Variants in ZNF534 observed in about 807,000 individuals in gnomAD.
The protein encoded by ZNF534 is zinc finger protein 534, also known as KRAB domain only 3.
ZNF534 carries 19 observed loss-of-function variants against 13.6 expected under a neutral mutation model. The ratio of observed to expected loss-of-function variants is 1.40; its 90% CI spans 0.97 to 2.05. The LOEUF (loss-of-function observed/expected upper bound fraction) is 2.05, where lower values mean the gene tolerates loss of function less well. Among genes scored for constraint, ZNF534 ranks in the 30% most tolerant of loss-of-function variants. The pLI is 0.00. For synonymous variants in ZNF534, 244 were observed against 273.8 expected (o/e 0.89, Z 1.07); for missense variants, 782 against 796.3 (o/e 0.98, Z 0.22).
At chr19:52,451,392 C>T in exon 5 of ZNF534, 2 of 807,076 alleles carry the variant, frequency 2.5e-6, no homozygotes, top group Non-Finnish European at 4.2e-6. Flanking sequence ...GCCGAGGCCA[C>T]GGGACTCTCA....
Position 52,439,390 on chromosome 19 carries a change from A to G in ZNF534, c.1930A>G (p.Ser644Gly), listed in dbSNP as rs1205800135. ...TTGTAATGAATGTGGCAAGGTCTTT[A>G]GTAAAAATTCCATCCTAGTACAACA... is the stretch of plus-strand genomic sequence containing the variant. ...YSCNECGKVF[S>G]KNSILVQHCS... Residue 644 changes from serine to glycine, a missense_variant, in exon 5 of 5, where the codon AGT (serine) becomes GGT (glycine). Ser to Gly is a moderately conservative substitution (Grantham distance 56). This residue lies in a region of ZNF534 where 60 missense variants were observed against 59.9 expected (regional missense o/e 1.00). Coordinates refer to ENST00000433050, the MANE Select transcript of ZNF534 (RefSeq NM_001143938.3). 3 of 1,550,524 alleles carry G rather than the reference A, an allele frequency of 1.9e-6. No homozygotes were observed. The highest frequency in any genetic ancestry group is 3.9e-5 in the Admixed American group (2 of 50,850).
chr19:52,445,717 ATTTACTCT>A (rs2059192305), downstream of ZNF534, among the ~76,000 whole-genome samples: 3 of 9,896 alleles, frequency 3.0e-4, 1 homozygote, highest in Non-Finnish European at 7.8e-4. Context: ...TGGCTTCCTA[ATTTACTCT>A]TGCAGTCATT....
intron 1 of ZNF534, among the ~76,000 whole-genome samples, chr19:52,429,493 TG>T (rs11350032): frequency 0.016 from 2,324 of 148,432 alleles, 60 homozygotes; most frequent in African/African-American, 0.056. Flanking sequence ...TTTCATTTTT[TG>T]TAATTATTCA....
In ZNF534 at chr19:52,439,738, CAG is replaced by C. The variant is rs1012486133; in HGVS notation, c.*295_*296del. ...AGCCACTGCACTCCAGCCTAGGTGACAGAGTGAAACTCCATCTCAAAAAAAGA... is the reference window on the plus strand; with the variant it reads ...AGCCACTGCACTCCAGCCTAGGTGACAGTGAAACTCCATCTCAAAAAAAGA... On this transcript the variant is annotated 3_prime_UTR_variant, in exon 5 of 5. Coordinates refer to ENST00000433050, the MANE Select transcript of ZNF534 (RefSeq NM_001143938.3). Among the ~76,000 whole-genome samples, 28 of 141,728 alleles carry C rather than the reference CAG, an allele frequency of 2.0e-4. No homozygotes were observed. Among genetic ancestry groups the C allele is most frequent in the African/African-American group, 7.2e-4 (27 of 37,708 alleles). The allele number at this position is 141,728 out of a possible 152,430, so 93.0% of individuals were successfully genotyped here. A position where few individuals can be genotyped will look rare whatever the true frequency, so the allele number is the denominator to read the frequency against.
At position 52,438,081 on chromosome 19, in the gene ZNF534, C is replaced by T; in HGVS notation, c.621C>T (p.Ile207=). 1 of 1,614,144 alleles carries T rather than the reference C, an allele frequency of 6.2e-7. No individual in the cohort carries two copies. The highest frequency in any genetic ancestry group is 1.1e-5 in the South Asian group (1 of 91,084). Residue 207 remains isoleucine, a synonymous_variant, in exon 5 of 5, where the codon ATC becomes ATT. Transcript: ENST00000433050. Reference sequence around the variant, plus strand: ...CAAGCCTTACTAACCGTCAAGTAATCCACATTGCAGATAAAACTTACAAAT... The same window carrying T: ...CAAGCCTTACTAACCGTCAAGTAATTCACATTGCAGATAAAACTTACAAAT... ...VSSSLTNRQV[I]HIADKTYKCS...
chr19:52,434,737 AAAAAAAAAG>A (rs1178690316), intron 3 of ZNF534, among the ~76,000 whole-genome samples: 2 of 151,408 alleles, frequency 1.3e-5, no homozygotes, highest in Admixed American at 6.6e-5. Flanking sequence ...TCTCAAAAAA[AAAAAAAAAG>A]AAAGAAATGT....
Position 52,438,349 on chromosome 19 carries a change from C to A in ZNF534, c.889C>A (p.Pro297Thr), listed in dbSNP as rs188181551. The change falls in exon 5 of 5, where the codon CCT (proline) becomes ACT (threonine). Residue 297 changes from proline to threonine, a missense_variant. Physicochemically the swap from Pro to Thr is conservative, Grantham distance 38. Coordinates refer to ENST00000433050, the MANE Select transcript of ZNF534 (RefSeq NM_001143938.3). The stretch of plus-strand genomic sequence containing the variant: ...TAGGAAAATTCATACTGGAGAGAAG[C>A]CTTACAAATGTAGTGAATGTGGCAA... The part of the protein sequence containing the change: ...QHRKIHTGEK[P>T]YKCSECGKAF... The A allele has an allele frequency of 4.5e-4, 723 of 1,613,318 alleles. 6 individuals are homozygous for A. In the South Asian group the frequency reaches 6.3e-3, roughly 14 times the overall value.
chr19:52,431,325 A>G, intron 1 of ZNF534, 83 bp from the exon 2 acceptor site: 1 of 1,019,412 alleles, frequency 9.8e-7, no homozygotes, highest in South Asian at 1.5e-5. Context: ...CCAGAAGGTG[A>G]AGTCTTCCCT....
chr19:52,438,323 A>G lies in ZNF534; in HGVS notation c.863A>G (p.His288Arg), dbSNP rs762319156. 4 of 1,606,332 alleles carry G rather than the reference A, an allele frequency of 2.5e-6. No homozygotes were observed. The highest frequency in any genetic ancestry group is 2.2e-5 in the South Asian group (2 of 90,292). ...AGTCACCATGCCTACCTTGCACAGC[A>G]TAGGAAAATTCATACTGGAGAGAAG... ...VFSHHAYLAQHRKIHTGEKPY... is the reference protein window; with the variant it reads ...VFSHHAYLAQRRKIHTGEKPY... Residue 288 changes from histidine (H) to arginine (R), a missense_variant, in exon 5 of 5, where the codon CAT (histidine) becomes CGT (arginine). Around this residue, in one of 5 missense-constraint regions of ZNF534, gnomAD observed 591 missense variants for 574.0 expected, o/e 1.03. Coordinates refer to ENST00000433050, the MANE Select transcript of ZNF534 (RefSeq NM_001143938.3).
intron 4 of ZNF534, among the ~76,000 whole-genome samples, chr19:52,449,236 T>C (rs2059204470): frequency 6.6e-6 from 1 of 152,236 alleles, no homozygotes; most frequent in African/African-American, 2.4e-5. Flanking sequence ...ATACATTTTC[T>C]TTATCCATTT....
Position 52,442,389 on chromosome 19 carries a change from C to T in ZNF534, c.*2943C>T, listed in dbSNP as rs2059178607. Among the ~76,000 whole-genome samples, 1 of 152,232 alleles carries T rather than the reference C, an allele frequency of 6.6e-6. No homozygotes were observed. The highest frequency in any genetic ancestry group is 2.1e-4 in the South Asian group (1 of 4,834). On this transcript the variant is annotated 3_prime_UTR_variant, in exon 5 of 5. Transcript: ENST00000433050. ...ACATGTTCATGCTGCAGATAACTAACCAGAGCCCATCCCTTTGTTTCCCAT... is the reference window on the plus strand; with the variant it reads ...ACATGTTCATGCTGCAGATAACTAATCAGAGCCCATCCCTTTGTTTCCCAT...
At chr19:52,434,131 T>C (rs1474830537) in intron 3 of ZNF534, 50 bp downstream of exon 3, 1 of 1,582,066 alleles carries the variant, frequency 6.3e-7, no homozygotes, top group East Asian at 2.2e-5. Context: ...GTATATCTTT[T>C]TGCATTTTCT....
At chr19:52,446,023 G>C (rs2561015), downstream of ZNF534, among the ~76,000 whole-genome samples, 139,264 of 152,172 alleles carry the variant, frequency 0.92, 64,073 homozygotes, top group Non-Finnish European at 0.96. Context: ...ACTAGGTTCT[G>C]TATAATTATG....
chr19:52,451,092 A>G (rs1019599983), intron 4 of ZNF534: 16 of 443,974 alleles, frequency 3.6e-5, no homozygotes, highest in African/African-American at 7.9e-5. Flanking sequence ...TATACACAAT[A>G]TTAATTTTTT....
intron 2 of ZNF534, among the ~76,000 whole-genome samples, chr19:52,433,036 C>G (rs112035483): frequency 0.021 from 3,118 of 151,852 alleles, 59 homozygotes; most frequent in Middle Eastern, 0.041. Flanking sequence ...TGAGCTTAGG[C>G]CTTTGAGACA....
exon 5 of ZNF534, chr19:52,451,577 G>A: frequency 1.7e-6 from 1 of 599,432 alleles, no homozygotes; most frequent in South Asian, 2.1e-5. Context: ...CTGGCTCTCC[G>A]GGCACGCGGG....
In ZNF534 at chr19:52,439,360, TACAG is replaced by T; in HGVS notation, c.1901_1904del (p.Tyr634PhefsTer15). On this transcript the variant is annotated frameshift_variant, in exon 5 of 5. Coordinates refer to ENST00000433050, the MANE Select transcript of ZNF534 (RefSeq NM_001143938.3). LOFTEE classifies it low-confidence loss of function (END_TRUNC). ...GAATATTCATACTGGAGTGAAGCCT[TACAG>T]TTGTAATGAATGTGGCAAGGTCTTT... 6.4e-7 allele frequency: 1 copy of T among 1,552,594 alleles called. No individual in the cohort carries two copies. Among genetic ancestry groups the T allele is most frequent in the Admixed American group, 2.0e-5 (1 of 51,018 alleles).
chr19:52,436,548 T>A (rs909029804), intron 4 of ZNF534, among the ~76,000 whole-genome samples: 4 of 152,246 alleles, frequency 2.6e-5, no homozygotes, highest in African/African-American at 7.2e-5. Context: ...TCCTTTGTCA[T>A]CTTCATATGA....
downstream of ZNF534, among the ~76,000 whole-genome samples, chr19:52,446,348 AC>A (rs1245591711): frequency 6.6e-6 from 1 of 152,178 alleles, no homozygotes; most frequent in African/African-American, 2.4e-5. Flanking sequence ...CATTAGTGCC[AC>A]TATTACCATG....
Sources: allele counts gnomAD v4.1 joint callset (sites outside exome capture counted in the v4.1 genomes callset), GRCh38; gene constraint gnomAD v4.1.1; regional missense constraint gnomAD v4.1.1; transcripts MANE v1.5; gene names NCBI Gene and HGNC (gene_info 2026-07-23, HGNC 2026-07-21).